MPZL3: variants seen among roughly 807,000 people sequenced by gnomAD.
The protein encoded by MPZL3 is myelin protein zero like 3.
In MPZL3, 23 loss-of-function variants were observed where a neutral mutation model predicts 24.8. The ratio of observed to expected loss-of-function variants is 0.93; its 90% confidence interval spans 0.67 to 1.31. The LOEUF (loss-of-function observed/expected upper bound fraction) is 1.31, where lower values mean the gene tolerates loss of function less well. MPZL3 is among the 40% of genes most tolerant of loss of function. The probability of loss-of-function intolerance (pLI) is 0.00; values close to 1 mark genes in which losing one functional copy is unlikely to be tolerated. For synonymous variants in MPZL3, 99 were observed against 106.5 expected (o/e 0.93, Z 0.44); for missense variants, 277 against 294.9 (o/e 0.94, Z 0.44).
At chr11:118,232,694 C>T (rs1042270729) in intron 5 of MPZL3, among the ~76,000 whole-genome samples, 2 of 152,136 alleles carry the variant, frequency 1.3e-5, no homozygotes, top group African/African-American at 2.4e-5. Flanking sequence ...ACTGGCATTA[C>T]CAACCTTTCT....
intron 1 of MPZL3, among the ~76,000 whole-genome samples, chr11:118,250,271 C>T (rs1283052584): frequency 6.6e-6 from 1 of 150,566 alleles, no homozygotes; most frequent in East Asian, 1.9e-4. Context: ...ATGATCCACC[C>T]ACCTCGGCCT....
chr11:118,234,511 T>A (rs1325847704), intron 4 of MPZL3, among the ~76,000 whole-genome samples: 1 of 152,030 alleles, frequency 6.6e-6, no homozygotes, highest in Non-Finnish European at 1.5e-5. Context: ...AATATACGAA[T>A]GAAGTATAGT....
chr11:118,252,158 G>C (rs373979408), intron 1 of MPZL3, 64 bp downstream of exon 1: 242 of 1,573,650 alleles, frequency 1.5e-4, no homozygotes, highest in Non-Finnish European at 3.7e-5. Context: ...CCCGGAACCG[G>C]AAAAGCGACC....
At position 118,237,252 on chromosome 11, in the gene MPZL3, A is replaced by G. The variant is rs752768311; in HGVS notation, c.249T>C (p.His83=). The G allele has an allele frequency of 2.5e-6, 4 of 1,613,940 alleles. No homozygotes were observed. Among genetic ancestry groups the G allele is most frequent in the East Asian group, 4.5e-5 (2 of 44,880 alleles). The change falls in exon 3 of 6, where the codon CAT becomes CAC. Residue 83 remains histidine, a synonymous_variant. Coordinates refer to ENST00000278949, the MANE Select transcript of MPZL3 (RefSeq NM_198275.3). ...PSSSHTVSIF[H]YQSFQYPTTA... ...TGGTTGGGTACTGGAAAGACTGATA[A>G]TGAAATATCTAAGAAAGCAACACCA...
At chr11:118,251,852 G>C (rs1248252833) in intron 1 of MPZL3, among the ~76,000 whole-genome samples, 1 of 152,138 alleles carries the variant, frequency 6.6e-6, no homozygotes, top group African/African-American at 2.4e-5. Context: ...TGCTAGAACT[G>C]TTTTCTTTCT....
At chr11:118,241,882 C>G (rs1165500099) in intron 1 of MPZL3, among the ~76,000 whole-genome samples, 3 of 152,188 alleles carry the variant, frequency 2.0e-5, no homozygotes, top group African/African-American at 7.2e-5. Flanking sequence ...CCTATGGCAC[C>G]CTTTCCGACT....
In MPZL3 at chr11:118,237,099, T is replaced by C. The variant is rs771897366; in HGVS notation, c.402A>G (p.Pro134=). Residue 134 remains proline (P), a synonymous_variant, in exon 3 of 6, where the codon CCA becomes CCG. Coordinates refer to ENST00000278949, the MANE Select transcript of MPZL3 (RefSeq NM_198275.3). Reference sequence around the variant, plus strand: ...TCATGGGAATATTATGATGCACATCTGGGGGATTCTTCACAGCACAGCTGA... The same window carrying C: ...TCATGGGAATATTATGATGCACATCCGGGGGATTCTTCACAGCACAGCTGA... ...GTFSCAVKNP[P]DVHHNIPMTE... 1.2e-6 allele frequency: 2 copies of C among 1,613,962 alleles called. No individual in the cohort carries two copies. The highest frequency in any genetic ancestry group is 1.3e-5 in the African/African-American group (1 of 74,908).
chr11:118,252,115 G>C (rs1483324686), intron 1 of MPZL3, 107 bp downstream of exon 1: 1 of 1,094,538 alleles, frequency 9.1e-7, no homozygotes, highest in South Asian at 1.3e-5. Flanking sequence ...TTCCTTCCCA[G>C]AGCTATGCGG....
At position 118,240,269 on chromosome 11, in the gene MPZL3, G is replaced by A. The variant is rs1186572451; in HGVS notation, c.182C>T (p.Thr61Ile). Residue 61 changes from threonine to isoleucine, a missense_variant, in exon 2 of 6, where the codon ACT becomes ATT. Transcript: ENST00000278949. ...TGTCCAGTCTATAGTAAGTTTGTCA[G>A]TGACATCTGAAGTTGACTTGAAAGT... ...KCTFKSTSDVTDKLTIDWTYR... is the reference protein window; with the variant it reads ...KCTFKSTSDVIDKLTIDWTYR... The A allele has an allele frequency of 6.2e-7, 1 of 1,604,980 alleles. No individual in the cohort carries two copies. The highest frequency in any genetic ancestry group is 8.5e-7 in the Non-Finnish European group (1 of 1,176,892).
At chr11:118,248,796 T>G (rs1447735475) in intron 1 of MPZL3, among the ~76,000 whole-genome samples, 1 of 152,168 alleles carries the variant, frequency 6.6e-6, no homozygotes, top group African/African-American at 2.4e-5. Flanking sequence ...GACTTTGGTA[T>G]GGAGCAAAGA....
intron 5 of MPZL3, among the ~76,000 whole-genome samples, chr11:118,230,467 C>T (rs1949337010): frequency 6.6e-6 from 1 of 152,192 alleles, no homozygotes; most frequent in African/African-American, 2.4e-5. Context: ...AATTACTTAG[C>T]ACTGCCTGGC....
chr11:118,237,027 A>G, intron 3 of MPZL3, 23 bp downstream of exon 3: 1 of 1,604,030 alleles, frequency 6.2e-7, no homozygotes, highest in East Asian at 2.2e-5. Context: ...ACTGCAGAAG[A>G]AGGTTGGTGG....
rs369675909 is a variant in MPZL3 at position 118,233,459 on chromosome 11, C to G, written c.681+1G>C. ...AAGCAGAAGGAATGGCATGCACTTA[C>G]CAGGCACTCAGCGCAACGGACACAA... On this transcript the variant is annotated splice_donor_variant, in intron 5 of 5. Coordinates refer to ENST00000278949, the MANE Select transcript of MPZL3 (RefSeq NM_198275.3). LOFTEE classifies it high-confidence loss of function. The G allele has an allele frequency of 3.5e-5, 56 of 1,613,680 alleles. No homozygotes were observed. Among genetic ancestry groups the G allele is most frequent in the Non-Finnish European group, 4.6e-5 (54 of 1,179,828 alleles).
chr11:118,232,228 A>C (rs1225038230), intron 5 of MPZL3, among the ~76,000 whole-genome samples: 4 of 152,024 alleles, frequency 2.6e-5, no homozygotes, highest in African/African-American at 9.7e-5. Context: ...CTCCTCCACA[A>C]TAGCCATATG....
In MPZL3 at chr11:118,241,856, G is replaced by T. The variant is rs572481980; in HGVS notation, c.74-1479C>A. Among the ~76,000 whole-genome samples the T allele has an allele frequency of 1.2e-3, 176 of 152,292 alleles. 1 individual carries two copies. The highest frequency in any genetic ancestry group is 0.011 in the Admixed American group (173 of 15,306). ...AGAATCTGACCCTCCCAAAGATGAA[G>T]ATTACTTCTGGTCTGCCTATGGCAC... On this transcript the variant is annotated intron_variant, in intron 1 of 5. Transcript: ENST00000278949.
At chr11:118,250,168 A>ATTTTTTTTTTTTTTTTTTTTTTTT (rs71041823) in intron 1 of MPZL3, among the ~76,000 whole-genome samples, 1 of 104,262 alleles carries the variant, frequency 9.6e-6, no homozygotes, top group African/African-American at 3.8e-5. Context: ...CACCTGGCTA[A>ATTTTTTTTTTTTTTTTTTTTTTTT]TTTTTTTTTT....
Position 118,233,478 on chromosome 11 carries a change from G to A in MPZL3, c.663C>T (p.Val221=), listed in dbSNP as rs1268832838. The A allele has an allele frequency of 6.2e-7, 1 of 1,613,848 alleles. No homozygotes were observed. Among genetic ancestry groups the A allele is most frequent in the Non-Finnish European group, 8.5e-7 (1 of 1,179,868 alleles). Residue 221 remains valine (V), a synonymous_variant, in exon 5 of 6, where the codon GTC becomes GTT. Coordinates refer to ENST00000278949, the MANE Select transcript of MPZL3 (RefSeq NM_198275.3). ...EEEACMARLC[V]RCAECLDSDY... Reference sequence around the variant, plus strand: ...CACTTACCAGGCACTCAGCGCAACGGACACAAAGCCTCGCCATACACGCCT... The same window carrying A: ...CACTTACCAGGCACTCAGCGCAACGAACACAAAGCCTCGCCATACACGCCT...
chr11:118,234,039 C>A (rs769555830), intron 4 of MPZL3, among the ~76,000 whole-genome samples: 5 of 152,092 alleles, frequency 3.3e-5, no homozygotes, highest in Non-Finnish European at 7.4e-5. Context: ...ACCACCCACC[C>A]TTAAAGCACA....
chr11:118,247,759 C>G (rs1390596665), intron 1 of MPZL3, among the ~76,000 whole-genome samples: 1 of 152,072 alleles, frequency 6.6e-6, no homozygotes, highest in Non-Finnish European at 1.5e-5. Flanking sequence ...CAGTCATGAG[C>G]CACCATGCCC....
Sources: allele counts gnomAD v4.1 joint callset (sites outside exome capture counted in the v4.1 genomes callset), GRCh38; gene constraint gnomAD v4.1.1; transcripts MANE v1.5; gene names NCBI Gene and HGNC (gene_info 2026-07-23, HGNC 2026-07-21).